Variants in CISH observed in about 807,000 individuals in gnomAD.
The protein encoded by CISH is cytokine inducible SH2 containing protein.
A neutral mutation model predicts 21.3 loss-of-function variants in CISH; 11 were observed. The ratio of observed to expected loss-of-function variants is 0.52; its 90% CI spans 0.32 to 0.85. CISH has a LOEUF of 0.85. Among genes scored for constraint, CISH ranks in the 40% least tolerant of loss-of-function variants. CISH has a pLI of 0.03. For synonymous variants in CISH, 118 were observed against 142.3 expected (o/e 0.83, Z 1.22); for missense variants, 280 against 351.7 (o/e 0.80, Z 1.63).
intron 1 of CISH, chr3:50,610,525 C>G: frequency 6.5e-7 from 1 of 1,546,042 alleles, no homozygotes; most frequent in Non-Finnish European, 8.7e-7. Context: ...CAAGGGGGTG[C>G]TCACCTAGGG....
At chr3:50,611,069 G>A in intron 1 of CISH, 1 of 990,938 alleles carries the variant, frequency 1.0e-6, no homozygotes, top group South Asian at 4.5e-5. Context: ...ACGATTGTGG[G>A]GGTACCCCAA....
chr3:50,610,004 C>T (rs2032273946), intron 1 of CISH: 1 of 255,870 alleles, frequency 3.9e-6, no homozygotes, highest in Non-Finnish European at 7.8e-6. Context: ...AGGTGACCCT[C>T]TAGGTTCTAA....
chr3:50,608,055 G>C lies in CISH; in HGVS notation c.329C>G (p.Thr110Arg). The C allele has an allele frequency of 6.2e-7, 1 of 1,613,794 alleles. No homozygotes were observed. Among genetic ancestry groups the C allele is most frequent in the Non-Finnish European group, 8.5e-7 (1 of 1,179,930 alleles). ...PEGTFLVRDS[T>R]HPSYLFTLSV... The stretch of plus-strand genomic sequence containing the variant: ...CAGCGTGAACAGGTAGCTGGGGTGC[G>C]TGCTGTCACGTACTAAGAACGTGCC... Residue 110 changes from threonine to arginine, a missense_variant, in exon 3 of 3, where the codon ACG (threonine) becomes AGG (arginine). Physicochemically the swap from Thr to Arg is moderately conservative, Grantham distance 71 (BLOSUM62 -1). Coordinates refer to ENST00000348721, the MANE Select transcript of CISH (RefSeq NM_145071.4).
intron 1 of CISH, chr3:50,610,431 G>A: frequency 3.9e-6 from 6 of 1,551,572 alleles, no homozygotes; most frequent in Non-Finnish European, 5.2e-6. Flanking sequence ...TGGCTGGTGT[G>A]TTCTAGGTAC....
chr3:50,611,276 G>A (rs1272933303), intron 1 of CISH: 19 of 1,203,724 alleles, frequency 1.6e-5, no homozygotes, highest in African/African-American at 1.4e-4. Flanking sequence ...GCAGGCTAGC[G>A]TAGAGTGCTC....
chr3:50,610,533 G>A, intron 1 of CISH: 1 of 1,540,292 alleles, frequency 6.5e-7, no homozygotes, highest in Non-Finnish European at 8.8e-7. Flanking sequence ...TGCTCACCTA[G>A]GGTAAAAAGT....
In CISH at chr3:50,607,622, G is replaced by A; in HGVS notation, c.762C>T (p.Tyr254=). 3.1e-6 allele frequency: 5 copies of A among 1,612,448 alleles called. No homozygotes were observed. Among genetic ancestry groups the A allele is most frequent in the Non-Finnish European group, 4.2e-6 (5 of 1,179,418 alleles). ...CCCCGTACAGTCAGAGCTGGAAGGG[G>A]TACTGTCGGAGGTAGTCGGCCATGC... ...PRRMADYLRQ[Y]PFQL is the part of the protein sequence containing the mutation. The change falls in exon 3 of 3, where the codon TAC becomes TAT. Residue 254 remains tyrosine, a synonymous_variant. Coordinates refer to ENST00000348721, the MANE Select transcript of CISH (RefSeq NM_145071.4).
At position 50,607,459 on chromosome 3, in the gene CISH, G is replaced by T; in HGVS notation, c.*148C>A. The T allele has an allele frequency of 2.5e-6, 2 of 788,794 alleles. No individual in the cohort carries two copies. The highest frequency in any genetic ancestry group is 3.6e-5 in the South Asian group (2 of 55,230). 48.9% of individuals were successfully genotyped at this position (788,794 alleles called of 1,614,324 possible). A position where few individuals can be genotyped will look rare whatever the true frequency, so the allele number is the denominator to read the frequency against. On this transcript the variant is annotated 3_prime_UTR_variant, in exon 3 of 3. Transcript: ENST00000348721. The stretch of plus-strand genomic sequence containing the variant: ...TGACACCTCCCCTCTCCCATGCCTT[G>T]CTCTTGCTGGCTCTTCCTGGGCCAG...
chr3:50,611,481 C>T (rs1481050120), intron 1 of CISH, 150 bp downstream of exon 1: 53 of 1,458,818 alleles, frequency 3.6e-5, no homozygotes, highest in Non-Finnish European at 9.0e-7. Flanking sequence ...AGTGTCACAG[C>T]CCCACACAGA....
chr3:50,611,433 G>T lies in CISH; in HGVS notation c.20+198C>A, dbSNP rs1013966346. 32 of 1,371,762 alleles carry T rather than the reference G, an allele frequency of 2.3e-5. 1 individual carries two copies. In the South Asian group the frequency reaches 4.8e-4, roughly 21 times the overall value. 85.0% of individuals were successfully genotyped at this position (1,371,762 alleles called of 1,614,324 possible). A position where few individuals can be genotyped will look rare whatever the true frequency, so the allele number is the denominator to read the frequency against. Reference sequence around the variant, plus strand: ...CCAGCCCCCGGTTTCCCAATCCACAGTGGGAATTGAGGTAAGTGTGTGGGG... The same window carrying T: ...CCAGCCCCCGGTTTCCCAATCCACATTGGGAATTGAGGTAAGTGTGTGGGG... On this transcript the variant is annotated intron_variant, in intron 1 of 2. Coordinates refer to ENST00000348721, the MANE Select transcript of CISH (RefSeq NM_145071.4).
chr3:50,608,254 G>T, intron 2 of CISH, 112 bp from the exon 3 acceptor site: 1 of 1,455,726 alleles, frequency 6.9e-7, no homozygotes, highest in Non-Finnish European at 9.3e-7. Flanking sequence ...AGAGGGCTGT[G>T]CCTCTCCCAT....
chr3:50,607,231 T>A lies in CISH; in HGVS notation c.*376A>T, dbSNP rs540947825. On this transcript the variant is annotated 3_prime_UTR_variant, in exon 3 of 3. Coordinates refer to ENST00000348721, the MANE Select transcript of CISH (RefSeq NM_145071.4). ...CCCAGAAACAGAGGCTGGCTGCCAGTAGGGGTCCTACCCGACCCTGGGGAT... is the reference window on the plus strand; with the variant it reads ...CCCAGAAACAGAGGCTGGCTGCCAGAAGGGGTCCTACCCGACCCTGGGGAT... 4.2e-6 allele frequency: 1 copy of A among 239,114 alleles called. No individual in the cohort carries two copies. Among genetic ancestry groups the A allele is most frequent in the Non-Finnish European group, 8.3e-6 (1 of 120,972 alleles). The allele number at this position is 239,114 out of a possible 1,614,324, so 14.8% of individuals were successfully genotyped here.
intron 1 of CISH, chr3:50,610,574 G>C: frequency 6.7e-7 from 1 of 1,500,404 alleles, no homozygotes; most frequent in Non-Finnish European, 8.9e-7. Flanking sequence ...GGAATGCAGG[G>C]GGAGGCTCCT....
intron 1 of CISH, chr3:50,610,378 C>T (rs542515188): frequency 1.3e-6 from 2 of 1,551,478 alleles, no homozygotes; most frequent in African/African-American, 2.7e-5. Flanking sequence ...TGTACCTGGG[C>T]AGGGGTGTGT....
Position 50,607,711 on chromosome 3 carries a change from G to T in CISH, c.673C>A (p.His225Asn), listed in dbSNP as rs777867992. The T allele has an allele frequency of 6.2e-7, 1 of 1,613,892 alleles. No individual in the cohort carries two copies. The highest frequency in any genetic ancestry group is 1.1e-5 in the South Asian group (1 of 91,086). Residue 225 changes from histidine (H) to asparagine (N), a missense_variant, in exon 3 of 3, where the codon CAC (histidine) becomes AAC (asparagine). Transcript: ENST00000348721. ...VRRSSARSLQ[H>N]LCRLVINRLV... Reference sequence around the variant, plus strand: ...CGGTTGATGACAAGGCGGCACAGGTGTTGCAGGCTGCGGGCACTGCTTCTG... The same window carrying T: ...CGGTTGATGACAAGGCGGCACAGGTTTTGCAGGCTGCGGGCACTGCTTCTG...
rs189244040 is a variant in CISH, at chr3:50,607,639, C to T, written c.745G>A (p.Asp249Asn). 23 of 1,613,266 alleles carry T rather than the reference C, an allele frequency of 1.4e-5. No individual in the cohort carries two copies. The Middle Eastern group carries it at 6.6e-4, about 46-fold the overall frequency. ...TGGAAGGGGTACTGTCGGAGGTAGT[C>T]GGCCATGCGCCGGGGCAGTGGCAGG... ...DCLPLPRRMADYLRQYPFQL is the reference protein window; with the variant it reads ...DCLPLPRRMANYLRQYPFQL The change falls in exon 3 of 3, where the codon GAC becomes AAC. Residue 249 changes from aspartate (D) to asparagine (N), a missense_variant. Coordinates refer to ENST00000348721, the MANE Select transcript of CISH (RefSeq NM_145071.4).
At position 50,611,720 on chromosome 3, in the gene CISH, G is replaced by A. The variant is rs2032333090; in HGVS notation, c.-70C>T. The stretch of plus-strand genomic sequence containing the variant: ...GGCGGCGGCTGGAGGGAACCAGTGG[G>A]CGCGGAGCGCGTGCTGGGTAGGCTC... On this transcript the variant is annotated 5_prime_UTR_variant, in exon 1 of 3. Coordinates refer to ENST00000348721, the MANE Select transcript of CISH (RefSeq NM_145071.4). The A allele has an allele frequency of 7.0e-7, 1 of 1,425,750 alleles. No homozygotes were observed. Among genetic ancestry groups the A allele is most frequent in the Non-Finnish European group, 9.2e-7 (1 of 1,091,288 alleles). 88.3% of individuals were successfully genotyped at this position (1,425,750 alleles called of 1,614,324 possible). A position where few individuals can be genotyped will look rare whatever the true frequency, so the allele number is the denominator to read the frequency against.
At chr3:50,611,308 G>A (rs887773328) in intron 1 of CISH, 5 of 1,295,188 alleles carry the variant, frequency 3.9e-6, no homozygotes, top group Admixed American at 4.4e-5. Flanking sequence ...GAATATCTGG[G>A]ATTGTTGGCC....
rs772402052 is a variant in CISH, at chr3:50,608,548, C to G, written c.66G>C (p.Leu22=). 1 of 1,590,550 alleles carries G rather than the reference C, an allele frequency of 6.3e-7. No individual in the cohort carries two copies. The highest frequency in any genetic ancestry group is 1.3e-5 in the African/African-American group (1 of 74,326). Residue 22 remains leucine, a synonymous_variant, in exon 2 of 3, where the codon CTG becomes CTC. Transcript: ENST00000348721. ...LAVERTGQRP[L]WAPSLELPKP... is the part of the protein sequence containing the mutation. ...TGGGCAGTTCCAGGGACGGGGCCCA[C>G]AGGGGCCGCTGCCCAGTCCGCTCCA...
Sources: allele counts gnomAD v4.1 joint callset, GRCh38; gene constraint gnomAD v4.1.1; transcripts MANE v1.5; gene names NCBI Gene and HGNC (gene_info 2026-07-23, HGNC 2026-07-21).